PDE7B: variants seen among roughly 807,000 people sequenced by gnomAD.
PDE7B encodes 3',5'-cyclic-AMP phosphodiesterase 7B.
PDE7B carries 29 observed loss-of-function variants against 56.2 expected under a neutral mutation model. The observed-to-expected ratio is 0.52, with a 90% CI of 0.38 to 0.70. The LOEUF is 0.70. Ranked by LOEUF, PDE7B falls within the 30% of genes least tolerant of loss-of-function variation. PDE7B has a pLI of 0.00. For missense variants in PDE7B, 490 were observed against 565.0 expected (o/e 0.87, Z 1.35); for synonymous variants, 197 against 196.9 (o/e 1.00, Z 0.00).
At chr6:135,990,984 G>A (rs1214709538) in intron 2 of PDE7B, among the ~76,000 whole-genome samples, 1 of 152,198 alleles carries the variant, frequency 6.6e-6, no homozygotes, top group African/African-American at 2.4e-5. Context: ...TGGGAAAGGG[G>A]TGGGCAATTC....
chr6:136,042,498 G>A (rs924557754), intron 2 of PDE7B, among the ~76,000 whole-genome samples: 5 of 152,212 alleles, frequency 3.3e-5, no homozygotes, highest in South Asian at 2.1e-4. Context: ...TATTAAGCTC[G>A]TTCCCATTTC....
At chr6:136,037,540 T>C (rs771393115) in intron 2 of PDE7B, 5 of 985,384 alleles carry the variant, frequency 5.1e-6, no homozygotes, top group Non-Finnish European at 4.8e-6. Context: ...CTGGGCAAGG[T>C]GCCCCCCAAC....
intron 1 of PDE7B, among the ~76,000 whole-genome samples, chr6:135,926,329 T>C (rs55665222): frequency 0.035 from 5,392 of 152,176 alleles, 148 homozygotes; most frequent in Non-Finnish European, 0.06. Context: ...CCTCGTGATC[T>C]GCCCACCTTG....
intron 10 of PDE7B, among the ~76,000 whole-genome samples, chr6:136,180,874 T>C (rs1481345419): frequency 6.6e-6 from 1 of 152,214 alleles, no homozygotes; most frequent in African/African-American, 2.4e-5. Context: ...ATGACCTCAC[T>C]TGAGCCTGGC....
chr6:135,977,205 T>C (rs79429417), intron 2 of PDE7B, among the ~76,000 whole-genome samples: 1 of 151,662 alleles, frequency 6.6e-6, no homozygotes, highest in East Asian at 1.9e-4. Flanking sequence ...ACCATAGGAG[T>C]AGATGGGCAG....
chr6:136,186,363 G>A (rs1363611050), intron 11 of PDE7B, among the ~76,000 whole-genome samples: 1 of 152,124 alleles, frequency 6.6e-6, no homozygotes, highest in Non-Finnish European at 1.5e-5. Context: ...AGGAGTTTGA[G>A]GCTGCAGTGA....
At chr6:136,015,443 A>G (rs1192855656) in intron 2 of PDE7B, among the ~76,000 whole-genome samples, 1 of 152,248 alleles carries the variant, frequency 6.6e-6, no homozygotes, top group Non-Finnish European at 1.5e-5. Context: ...AAAGATGGAA[A>G]TAGAATTACA....
intron 2 of PDE7B, among the ~76,000 whole-genome samples, chr6:135,968,865 A>G (rs1282270379): frequency 1.3e-5 from 2 of 152,226 alleles, no homozygotes; most frequent in Non-Finnish European, 2.9e-5. Context: ...ACCATTCACA[A>G]TAGCAAAGAT....
At chr6:136,009,896 T>G (rs982484828) in intron 2 of PDE7B, among the ~76,000 whole-genome samples, 8 of 152,188 alleles carry the variant, frequency 5.3e-5, no homozygotes, top group Non-Finnish European at 8.8e-5. Context: ...TTCAAAAAAC[T>G]AACTCCTGGA....
chr6:136,118,390 A>T (rs147519978), intron 3 of PDE7B, among the ~76,000 whole-genome samples: 85 of 152,352 alleles, frequency 5.6e-4, no homozygotes, highest in African/African-American at 1.9e-3. Flanking sequence ...AGGCAACCTG[A>T]AGCAACAAGC....
intron 6 of PDE7B, among the ~76,000 whole-genome samples, chr6:136,151,785 A>ACCCTGTCTCTACTAAAAATACAAAAAAAT (rs1554283215): frequency 6.6e-6 from 1 of 152,082 alleles, no homozygotes; most frequent in African/African-American, 2.4e-5. Flanking sequence ...AATACAAAAA[A>ACCCTGTCTCTACTAAAAATACAAAAAAAT]AAAATTAGCC....
chr6:135,962,616 GCATTA>G (rs1194883488), intron 2 of PDE7B, among the ~76,000 whole-genome samples: 1 of 151,926 alleles, frequency 6.6e-6, no homozygotes, highest in Non-Finnish European at 1.5e-5. Context: ...TTGTTTGTTT[GCATTA>G]CTAAAACCTA....
intron 11 of PDE7B, among the ~76,000 whole-genome samples, chr6:136,184,675 G>A (rs1779117554): frequency 2.0e-5 from 3 of 152,076 alleles, no homozygotes; most frequent in Non-Finnish European, 4.4e-5. Context: ...GGAGGCCCCT[G>A]GGCACCAGGC....
At chr6:136,161,069 A>G (rs141294029) in intron 8 of PDE7B, among the ~76,000 whole-genome samples, 1 of 152,300 alleles carries the variant, frequency 6.6e-6, no homozygotes, top group African/African-American at 2.4e-5. Flanking sequence ...TATTTGAATA[A>G]AATGTAGTAT....
chr6:135,862,189 C>T (rs1036956571), intron 1 of PDE7B, among the ~76,000 whole-genome samples: 9 of 151,772 alleles, frequency 5.9e-5, no homozygotes, highest in African/African-American at 2.2e-4. Flanking sequence ...AGAAAGCTTT[C>T]AACATTCTAC....
intron 1 of PDE7B, among the ~76,000 whole-genome samples, chr6:135,939,604 C>T (rs1774475901): frequency 6.6e-6 from 1 of 152,096 alleles, no homozygotes; most frequent in Non-Finnish European, 1.5e-5. Context: ...CTATGCCACC[C>T]ACATGGTAGA....
chr6:135,976,659 T>C (rs1419964977), intron 2 of PDE7B, among the ~76,000 whole-genome samples: 1 of 152,124 alleles, frequency 6.6e-6, no homozygotes, highest in Non-Finnish European at 1.5e-5. Flanking sequence ...TCATAGCAAA[T>C]GCCAAGAAAT....
chr6:135,997,531 T>C (rs1048342298), intron 2 of PDE7B, among the ~76,000 whole-genome samples: 2 of 145,082 alleles, frequency 1.4e-5, no homozygotes, highest in African/African-American at 5.1e-5. Flanking sequence ...TAGGAATCTA[T>C]CATAAGAAAA....
chr6:136,081,987 G>A (rs1398745057), intron 2 of PDE7B, among the ~76,000 whole-genome samples: 1 of 152,214 alleles, frequency 6.6e-6, no homozygotes, highest in African/African-American at 2.4e-5. Flanking sequence ...ATGACTCACT[G>A]AGTCAGTCAG....
Sources: gnomAD v4.1 joint callset for allele counts (sites outside exome capture counted in the v4.1 genomes callset) on GRCh38, gnomAD v4.1.1 for gene constraint, MANE v1.5 for transcripts, NCBI Gene and HGNC (gene_info 2026-07-23, HGNC 2026-07-21) for gene names.